The following BBS9 variants were observed in gnomAD, a reference collection of about 807,000 sequenced individuals.
BBS9 encodes the protein protein PTHB1.
In BBS9, 89 loss-of-function variants were observed where a neutral mutation model predicts 117.7. The observed-to-expected ratio is 0.76, with a 90% CI of 0.64 to 0.90. The LOEUF (loss-of-function observed/expected upper bound fraction) is 0.90. Among genes scored for constraint, BBS9 ranks in the 40% least tolerant of loss-of-function variants. BBS9 has a pLI of 0.00. For synonymous variants in BBS9, 379 were observed against 370.9 expected (o/e 1.02, Z -0.25); for missense variants, 982 against 1,042.2 (o/e 0.94, Z 0.80).
At chr7:33,413,055 G>A (rs987385211) in intron 19 of BBS9, among the ~76,000 whole-genome samples, 9 of 150,594 alleles carry the variant, frequency 6.0e-5, no homozygotes, top group African/African-American at 2.2e-4. Flanking sequence ...TTTACTATGA[G>A]TTAATTTTTC....
chr7:33,427,205 A>C (rs1833785763), intron 19 of BBS9, among the ~76,000 whole-genome samples: 1 of 152,140 alleles, frequency 6.6e-6, no homozygotes, highest in African/African-American at 2.4e-5. Flanking sequence ...TTAAGTAGTA[A>C]AATCTTTTGC....
intron 21 of BBS9, among the ~76,000 whole-genome samples, chr7:33,600,211 C>A (rs1051917855): frequency 1.3e-5 from 2 of 152,154 alleles, no homozygotes; most frequent in African/African-American, 4.8e-5. Context: ...TTTTTGTTAC[C>A]TGACATTCAC....
chr7:33,358,143 C>T, intron 16 of BBS9, 148 bp downstream of exon 16: 1 of 997,228 alleles, frequency 1.0e-6, no homozygotes, highest in East Asian at 2.6e-5. Context: ...CCCTCCTTTG[C>T]CTGTTCAAAG....
intron 21 of BBS9, among the ~76,000 whole-genome samples, chr7:33,541,314 G>A (rs567224473): frequency 6.6e-6 from 1 of 152,048 alleles, no homozygotes; most frequent in Non-Finnish European, 1.5e-5. Flanking sequence ...TCCATATTCA[G>A]CCAGTCACCA....
At chr7:33,579,516 G>T (rs1389199141) in intron 21 of BBS9, among the ~76,000 whole-genome samples, 1 of 152,108 alleles carries the variant, frequency 6.6e-6, no homozygotes, top group Non-Finnish European at 1.5e-5. Context: ...AAGCACTGAG[G>T]TTTGTTTTCC....
At chr7:33,239,526 C>G (rs924281513) in intron 5 of BBS9, among the ~76,000 whole-genome samples, 3 of 152,116 alleles carry the variant, frequency 2.0e-5, no homozygotes. Context: ...TCTCCTGCCT[C>G]AGTCTCCCAA....
chr7:33,384,547 C>T (rs114073539), intron 18 of BBS9, among the ~76,000 whole-genome samples: 8,314 of 152,088 alleles, frequency 0.055, 269 homozygotes, highest in Non-Finnish European at 0.065. Context: ...TTAAAAGTCC[C>T]ATGTATTCCA....
chr7:33,195,900 A>T lies in BBS9; in HGVS notation c.442+18309A>T, dbSNP rs10486518. On this transcript the variant is annotated intron_variant, in intron 5 of 22. Transcript: ENST00000242067. ...GGCATGGTATAGATTATAAGGTCTGACAGCACAGTAGTCTCACGTTTGTGA... is the reference window on the plus strand; with the variant it reads ...GGCATGGTATAGATTATAAGGTCTGTCAGCACAGTAGTCTCACGTTTGTGA... 6.8e-3 allele frequency among the ~76,000 whole-genome samples: 1,043 copies of T among 152,280 alleles called. 13 individuals carry two copies. Among genetic ancestry groups the T allele is most frequent in the African/African-American group, 0.024 (991 of 41,550 alleles).
intron 9 of BBS9, among the ~76,000 whole-genome samples, chr7:33,291,222 C>T (rs753528337): frequency 1.2e-4 from 19 of 152,052 alleles, no homozygotes; most frequent in Non-Finnish European, 2.4e-4. Flanking sequence ...TCACAGTTCT[C>T]ATAGTAATTT....
At chr7:33,233,273 T>C (rs991392794) in intron 5 of BBS9, among the ~76,000 whole-genome samples, 1 of 152,182 alleles carries the variant, frequency 6.6e-6, no homozygotes, top group Non-Finnish European at 1.5e-5. Context: ...GTTTGGTTTT[T>C]ATTTTCTCTT....
chr7:33,189,312 C>A (rs73319408), intron 5 of BBS9, among the ~76,000 whole-genome samples: 12,862 of 152,106 alleles, frequency 0.085, 583 homozygotes, highest in South Asian at 0.13. Flanking sequence ...AGCCATTGTG[C>A]CTGGCCCCAT....
At chr7:33,306,545 A>T (rs1225048728) in intron 9 of BBS9, among the ~76,000 whole-genome samples, 4 of 152,124 alleles carry the variant, frequency 2.6e-5, no homozygotes, top group Non-Finnish European at 5.9e-5. Context: ...TTTGATAATA[A>T]TCTGAAAAAG....
At chr7:33,481,768 C>G (rs1044088040) in intron 19 of BBS9, among the ~76,000 whole-genome samples, 2 of 152,010 alleles carry the variant, frequency 1.3e-5, no homozygotes, top group Non-Finnish European at 1.5e-5. Flanking sequence ...AGAGGATGCT[C>G]TTGTTTGGAG....
chr7:33,177,357 T>A (rs1797470090), intron 4 of BBS9, 121 bp from the exon 5 acceptor site: 2 of 716,894 alleles, frequency 2.8e-6, no homozygotes, highest in Admixed American at 2.1e-5. Context: ...ATACATAATA[T>A]TTTAGTGCTT....
chr7:33,428,425 C>T (rs1244438513), intron 19 of BBS9, among the ~76,000 whole-genome samples: 1 of 152,112 alleles, frequency 6.6e-6, no homozygotes, highest in African/African-American at 2.4e-5. Flanking sequence ...TACTGCACAT[C>T]CTTTTCTCAC....
chr7:33,632,227 A>G (rs945346572), intron 21 of BBS9, among the ~76,000 whole-genome samples: 1 of 152,028 alleles, frequency 6.6e-6, no homozygotes, highest in Non-Finnish European at 1.5e-5. Context: ...CCCTGCCTGG[A>G]CAATCATAAA....
At chr7:33,313,079 G>A (rs748764968) in intron 9 of BBS9, among the ~76,000 whole-genome samples, 27 of 150,758 alleles carry the variant, frequency 1.8e-4, no homozygotes, top group Middle Eastern at 3.2e-3. Flanking sequence ...GCACAGGCAC[G>A]TATTTGTATT....
intron 21 of BBS9, among the ~76,000 whole-genome samples, chr7:33,597,517 C>T (rs776642371): frequency 3.9e-5 from 6 of 152,002 alleles, no homozygotes; most frequent in African/African-American, 9.7e-5. Context: ...CATCCAATAC[C>T]CAGTTTATTA....
intron 19 of BBS9, among the ~76,000 whole-genome samples, chr7:33,410,202 A>G (rs1830861275): frequency 1.3e-5 from 2 of 152,332 alleles, no homozygotes; most frequent in South Asian, 4.1e-4. Context: ...GTGTTAAAGA[A>G]GAGATGGCTT....
Sources: gnomAD v4.1 joint callset for allele counts (sites outside exome capture counted in the v4.1 genomes callset) on GRCh38, gnomAD v4.1.1 for gene constraint, MANE v1.5 for transcripts, NCBI Gene and HGNC (gene_info 2026-07-23, HGNC 2026-07-21) for gene names.